The following NRXN3 variants were observed in gnomAD, a reference collection of about 807,000 sequenced individuals.
NRXN3 encodes the protein neurexin 3.
A neutral mutation model predicts 137.6 loss-of-function variants in NRXN3; 32 were observed. The observed-to-expected ratio is 0.23, with a 90% CI of 0.18 to 0.31. The LOEUF is 0.31. Among genes scored for constraint, NRXN3 ranks in the 10% least tolerant of loss-of-function variants. The pLI, the probability that NRXN3 is intolerant of heterozygous loss-of-function variation, is 1.00. For synonymous variants in NRXN3, 798 were observed against 784.5 expected (o/e 1.02, Z -0.29); for missense variants, 1,574 against 2,062.5 (o/e 0.76, Z 4.59).
At chr14:79,009,511 C>G (rs1444806817) in intron 15 of NRXN3, among the ~76,000 whole-genome samples, 1 of 152,136 alleles carries the variant, frequency 6.6e-6, no homozygotes, top group Non-Finnish European at 1.5e-5. Flanking sequence ...GAAGAGAGCC[C>G]TCCTTTTCCT....
rs553916019 is a variant in NRXN3, at chr14:79,163,702, T to C, written c.3262+175561T>C. Among the ~76,000 whole-genome samples the C allele has an allele frequency of 2.7e-5, 4 of 149,210 alleles. No homozygotes were observed. The South Asian group carries it at 8.3e-4, about 31-fold the overall frequency. On this transcript the variant is annotated intron_variant, in intron 15 of 20. Transcript: ENST00000335750. Reference sequence around the variant, plus strand: ...TGTGTGAATATTATAACTGAATTACTGTCTGTTTGCTTAACTCATTACAGA... The same window carrying C: ...TGTGTGAATATTATAACTGAATTACCGTCTGTTTGCTTAACTCATTACAGA...
intron 3 of NRXN3, among the ~76,000 whole-genome samples, chr14:78,296,816 A>G (rs2153525605): frequency 6.6e-6 from 1 of 152,246 alleles, no homozygotes; most frequent in South Asian, 2.1e-4. Context: ...AGAGATTTCC[A>G]TACTTTTTTT....
chr14:78,980,214 G>C (rs2153043344), intron 14 of NRXN3, among the ~76,000 whole-genome samples: 1 of 152,306 alleles, frequency 6.6e-6, no homozygotes, highest in South Asian at 2.1e-4. Context: ...ACCAGCCTTG[G>C]CCCTCTAAAG....
intron 4 of NRXN3, among the ~76,000 whole-genome samples, chr14:78,362,849 GT>G (rs547196201): frequency 8.5e-4 from 129 of 152,288 alleles, no homozygotes; most frequent in African/African-American, 2.7e-3. Context: ...GGGGGATACT[GT>G]TGAGGGACAC....
At chr14:78,653,474 A>G (rs2097762363) in intron 6 of NRXN3, among the ~76,000 whole-genome samples, 1 of 152,192 alleles carries the variant, frequency 6.6e-6, no homozygotes, top group African/African-American at 2.4e-5. Context: ...AGTCCTGAGC[A>G]TGGAGTCTCT....
chr14:79,810,721 G>A (rs1328489338), intron 20 of NRXN3, among the ~76,000 whole-genome samples: 1 of 152,116 alleles, frequency 6.6e-6, no homozygotes, highest in African/African-American at 2.4e-5. Flanking sequence ...AGTCTGAGAT[G>A]CCTCGGGAAA....
At chr14:79,324,843 T>C (rs752215178) in intron 15 of NRXN3, among the ~76,000 whole-genome samples, 11 of 152,234 alleles carry the variant, frequency 7.2e-5, no homozygotes, top group Non-Finnish European at 1.3e-4. Flanking sequence ...TATATGTATA[T>C]ATATTCATAT....
At chr14:78,313,963 G>A (rs143531238) in intron 4 of NRXN3, among the ~76,000 whole-genome samples, 238 of 152,232 alleles carry the variant, frequency 1.6e-3, no homozygotes, top group African/African-American at 5.5e-3. Flanking sequence ...TTGAGCACAA[G>A]GGATACACAA....
At chr14:78,439,423 G>A (rs977689729) in intron 4 of NRXN3, among the ~76,000 whole-genome samples, 3 of 152,208 alleles carry the variant, frequency 2.0e-5, no homozygotes, top group Non-Finnish European at 4.4e-5. Context: ...CTGTGTGCCA[G>A]GCATTGTTTA....
chr14:78,491,051 A>G (rs2095657002), intron 4 of NRXN3, among the ~76,000 whole-genome samples: 1 of 152,116 alleles, frequency 6.6e-6, no homozygotes, highest in African/African-American at 2.4e-5. Flanking sequence ...CGACCTATTC[A>G]GAAAAGAGTT....
chr14:79,184,279 A>G (rs1014492509), intron 15 of NRXN3, among the ~76,000 whole-genome samples: 4 of 152,224 alleles, frequency 2.6e-5, no homozygotes, highest in African/African-American at 9.6e-5. Flanking sequence ...ATTTTGTAAT[A>G]AAAAAGACAA....
chr14:79,178,420 T>C (rs751929144), intron 15 of NRXN3, among the ~76,000 whole-genome samples: 18 of 152,224 alleles, frequency 1.2e-4, no homozygotes, highest in South Asian at 1.0e-3. Context: ...CTCTATTATA[T>C]TCACTCTGTT....
chr14:78,527,771 G>T (rs2153808701), intron 4 of NRXN3, among the ~76,000 whole-genome samples: 1 of 152,306 alleles, frequency 6.6e-6, no homozygotes, highest in Middle Eastern at 3.4e-3. Flanking sequence ...AGGCCTAATA[G>T]TGACTGTGTT....
chr14:79,508,476 A>G (rs889219117), intron 16 of NRXN3, among the ~76,000 whole-genome samples: 2 of 136,458 alleles, frequency 1.5e-5, no homozygotes, highest in African/African-American at 5.5e-5. Context: ...TGCAACCTTC[A>G]TCTCCCGGGT....
intron 15 of NRXN3, among the ~76,000 whole-genome samples, chr14:79,314,820 G>T (rs1319782429): frequency 2.7e-5 from 4 of 147,624 alleles, no homozygotes; most frequent in Non-Finnish European, 6.0e-5. Flanking sequence ...CACCTCACAC[G>T]GCAGGGTATT....
intron 10 of NRXN3, among the ~76,000 whole-genome samples, chr14:78,931,844 A>T (rs1313690312): frequency 6.6e-6 from 1 of 152,126 alleles, no homozygotes. Flanking sequence ...GAGATAAATT[A>T]TGTTGCTAAA....
At chr14:79,770,730 C>A (rs1035101177) in intron 19 of NRXN3, among the ~76,000 whole-genome samples, 1 of 150,064 alleles carries the variant, frequency 6.7e-6, no homozygotes, top group Non-Finnish European at 1.5e-5. Flanking sequence ...AAAGCAAGAG[C>A]AAACACATTC....
intron 4 of NRXN3, among the ~76,000 whole-genome samples, chr14:78,617,460 G>C (rs149718969): frequency 1.8e-3 from 274 of 152,336 alleles, no homozygotes; most frequent in Middle Eastern, 0.01. Context: ...AGGACATGCT[G>C]TCCTGCAGAA....
chr14:78,213,082 T>A (rs1000763538), intron 1 of NRXN3, among the ~76,000 whole-genome samples: 7 of 152,168 alleles, frequency 4.6e-5, no homozygotes, highest in Non-Finnish European at 7.3e-5. Context: ...AACCACAGCT[T>A]TGGCAAAACT....
Sources: allele counts gnomAD v4.1 joint callset (sites outside exome capture counted in the v4.1 genomes callset), GRCh38; gene constraint gnomAD v4.1.1; transcripts MANE v1.5; gene names NCBI Gene and HGNC (gene_info 2026-07-23, HGNC 2026-07-21).